MAGI1: variants seen among roughly 807,000 people sequenced by gnomAD.
MAGI1 encodes the protein membrane-associated guanylate kinase, WW and PDZ domain-containing protein 1.
In MAGI1, 58 loss-of-function variants were observed where a neutral mutation model predicts 139.9. The ratio of observed to expected loss-of-function variants is 0.41; its 90% CI spans 0.34 to 0.52. The LOEUF (loss-of-function observed/expected upper bound fraction) is 0.52, where lower values mean the gene tolerates loss of function less well. MAGI1 is among the 20% of genes least tolerant of loss of function. MAGI1 has a pLI of 0.12. For missense variants in MAGI1, 1,874 were observed against 1,901.6 expected (o/e 0.99, Z 0.27); for synonymous variants, 812 against 737.9 (o/e 1.10, Z -1.63).
intron 1 of MAGI1, among the ~76,000 whole-genome samples, chr3:66,036,025 C>G (rs1486370993): frequency 1.3e-5 from 2 of 152,176 alleles, no homozygotes; most frequent in African/African-American, 4.8e-5. Flanking sequence ...CCTAGTTGGG[C>G]AGGTACCCTT....
intron 1 of MAGI1, among the ~76,000 whole-genome samples, chr3:65,690,608 C>G (rs1490989256): frequency 6.8e-6 from 1 of 147,028 alleles, no homozygotes; most frequent in Non-Finnish European, 1.5e-5. Context: ...TCTCAAATAG[C>G]TGCCACCATG....
rs79281926 is a variant in MAGI1, at chr3:65,895,828, G to C, written c.313+142168C>G. ...GGGACTTTTCAATCATCAAACTATA[G>C]CTGGCATTAAATCCAAAAGAATATT... On this transcript the variant is annotated intron_variant, in intron 1 of 22. Coordinates refer to ENST00000402939, the MANE Select transcript of MAGI1 (RefSeq NM_001033057.2). Among the ~76,000 whole-genome samples, 1,107 of 152,268 alleles carry C rather than the reference G, an allele frequency of 7.3e-3. 13 individuals carry two copies. The highest frequency in any genetic ancestry group is 0.025 in the African/African-American group (1,050 of 41,530).
chr3:65,732,823 T>C (rs544290790), intron 1 of MAGI1, among the ~76,000 whole-genome samples: 1 of 151,892 alleles, frequency 6.6e-6, no homozygotes, highest in Non-Finnish European at 1.5e-5. Context: ...TGCTAAGAAG[T>C]ATCTTTAAGG....
chr3:65,470,355 T>C lies in MAGI1; in HGVS notation c.887A>G (p.Glu296Gly). 1.2e-6 allele frequency: 2 copies of C among 1,613,924 alleles called. No homozygotes were observed. Among genetic ancestry groups the C allele is most frequent in the Non-Finnish European group, 1.7e-6 (2 of 1,179,858 alleles). The change falls in exon 5 of 23, where the codon GAG becomes GGG. Residue 296 changes from glutamate (E) to glycine (G), a missense_variant. Transcript: ENST00000402939. ...TTCAGGTAGAGGACCTAAATTATCC[T>C]CTGCAGAAAGAGGTAGGTATTGAGG... ...KFPQYLPLSA[E>G]DNLGPLPENW...
At chr3:65,863,857 C>T (rs2059633403) in intron 1 of MAGI1, among the ~76,000 whole-genome samples, 1 of 152,134 alleles carries the variant, frequency 6.6e-6, no homozygotes, top group Non-Finnish European at 1.5e-5. Flanking sequence ...TCTACCTCCA[C>T]ATGCTAGTCT....
intron 1 of MAGI1, among the ~76,000 whole-genome samples, chr3:65,993,261 G>C (rs1399309214): frequency 6.6e-6 from 1 of 152,046 alleles, no homozygotes; most frequent in Non-Finnish European, 1.5e-5. Context: ...GCTTTACATG[G>C]TTTTACCAGC....
intron 2 of MAGI1, among the ~76,000 whole-genome samples, chr3:65,547,896 A>G (rs1228654110): frequency 6.6e-6 from 1 of 152,210 alleles, no homozygotes; most frequent in Non-Finnish European, 1.5e-5. Context: ...CAAACATACC[A>G]CATGTTGAGA....
intron 1 of MAGI1, among the ~76,000 whole-genome samples, chr3:65,831,482 A>C (rs1414267601): frequency 6.6e-6 from 1 of 152,204 alleles, no homozygotes; most frequent in Non-Finnish European, 1.5e-5. Context: ...TTGTATAACC[A>C]CATACACGGT....
chr3:65,974,391 G>GTGGA (rs1245766183), intron 1 of MAGI1, among the ~76,000 whole-genome samples: 7 of 134,700 alleles, frequency 5.2e-5, no homozygotes, highest in Admixed American at 1.5e-4. Context: ...GGGTGGCTGG[G>GTGGA]TGGATGGGTG....
chr3:65,429,494 TCAAAGAA>T lies in MAGI1; in HGVS notation c.2167+19_2167+25del. On this transcript the variant is annotated intron_variant, in intron 12 of 22. Transcript: ENST00000402939. ...AATGAATTTGGGATAAAAAAAAAAT[TCAAAGAA>T]CAAAACAACCCTACTTACCTCCTCG... The T allele has an allele frequency of 6.4e-7, 1 of 1,550,762 alleles. No homozygotes were observed. The highest frequency in any genetic ancestry group is 8.7e-7 in the Non-Finnish European group (1 of 1,151,478).
chr3:65,401,846 G>A, intron 12 of MAGI1: 1 of 1,245,288 alleles, frequency 8.0e-7, no homozygotes, highest in Non-Finnish European at 1.0e-6. Context: ...CTTTCCACAC[G>A]ATCCACTTGT....
intron 1 of MAGI1, among the ~76,000 whole-genome samples, chr3:66,023,710 T>C (rs28496178): frequency 0.45 from 67,722 of 152,050 alleles, 16,772 homozygotes; most frequent in African/African-American, 0.65. Context: ...TCCTGCCAAA[T>C]TTAAAACCTC....
intron 1 of MAGI1, among the ~76,000 whole-genome samples, chr3:65,759,203 C>T (rs1006464626): frequency 1.3e-5 from 2 of 151,478 alleles, no homozygotes; most frequent in African/African-American, 4.9e-5. Flanking sequence ...TGTTGTTCTT[C>T]TCAATACATG....
At chr3:65,902,268 C>T (rs1179998745) in intron 1 of MAGI1, among the ~76,000 whole-genome samples, 1 of 152,176 alleles carries the variant, frequency 6.6e-6, no homozygotes, top group Non-Finnish European at 1.5e-5. Context: ...GGTTCCTGAA[C>T]ACTGCTCCCA....
At chr3:65,783,940 C>T (rs1446270195) in intron 1 of MAGI1, among the ~76,000 whole-genome samples, 1 of 151,886 alleles carries the variant, frequency 6.6e-6, no homozygotes, top group African/African-American at 2.4e-5. Context: ...CTGACCAACA[C>T]AGTGAAACCC....
intron 2 of MAGI1, among the ~76,000 whole-genome samples, chr3:65,547,470 G>C (rs2079557612): frequency 6.6e-6 from 1 of 152,052 alleles, no homozygotes; most frequent in Non-Finnish European, 1.5e-5. Context: ...TATAAATGTG[G>C]GATCCATTAT....
chr3:66,000,635 T>C (rs2066694119), intron 1 of MAGI1, among the ~76,000 whole-genome samples: 1 of 152,194 alleles, frequency 6.6e-6, no homozygotes, highest in Non-Finnish European at 1.5e-5. Flanking sequence ...CACTGGAGTA[T>C]TTCAACCAGG....
intron 1 of MAGI1, among the ~76,000 whole-genome samples, chr3:65,881,612 G>C (rs1317510083): frequency 6.6e-6 from 1 of 151,486 alleles, no homozygotes; most frequent in African/African-American, 2.4e-5. Flanking sequence ...GGGTGACAGA[G>C]CCAGACCCCT....
intron 2 of MAGI1, among the ~76,000 whole-genome samples, chr3:65,503,265 A>C (rs2077156158): frequency 6.6e-6 from 1 of 152,138 alleles, no homozygotes. Flanking sequence ...AAACACGAAT[A>C]AAGAAGGCCA....
Sources: allele counts gnomAD v4.1 joint callset (sites outside exome capture counted in the v4.1 genomes callset), GRCh38; gene constraint gnomAD v4.1.1; transcripts MANE v1.5; gene names NCBI Gene and HGNC (gene_info 2026-07-23, HGNC 2026-07-21).